The following FAAP20 variants were observed in gnomAD, a reference collection of about 807,000 sequenced individuals.
FAAP20 encodes Fanconi anemia core complex-associated protein 20.
A neutral mutation model predicts 16.2 loss-of-function variants in FAAP20; 12 were observed. The observed-to-expected ratio is 0.74, with a 90% confidence interval of 0.48 to 1.20. The LOEUF (loss-of-function observed/expected upper bound fraction) is 1.20. Ranked by LOEUF, FAAP20 falls within the 50% of genes most tolerant of loss-of-function variation. The probability of loss-of-function intolerance (pLI) is 0.00; values close to 1 mark genes in which losing one functional copy is unlikely to be tolerated. For synonymous variants in FAAP20, 141 were observed against 110.7 expected (o/e 1.27, Z -1.72); for missense variants, 288 against 245.8 (o/e 1.17, Z -1.15).
chr1:2,202,001 A>G (rs1400042434), upstream of FAAP20, among the ~76,000 whole-genome samples: 1 of 150,036 alleles, frequency 6.7e-6, no homozygotes, highest in Non-Finnish European at 1.5e-5. Context: ...TGGGCGACAG[A>G]GCGAGACTCT....
chr1:2,190,037 C>A, intron 3 of FAAP20: 1 of 602,932 alleles, frequency 1.7e-6, no homozygotes, highest in South Asian at 1.7e-5. Context: ...AGCTGTGTCT[C>A]AACAAGCCTC....
chr1:2,193,733 G>A lies in FAAP20; in HGVS notation c.376C>T (p.Pro126Ser), dbSNP rs1058411. 193,270 of 1,590,466 alleles carry A rather than the reference G, an allele frequency of 0.12. 17,054 individuals carry two copies. Among genetic ancestry groups the A allele is most frequent in the African/African-American group, 0.47 (34,325 of 73,212 alleles). The part of the protein sequence containing the change: ...RSLPQRPAPD[P>S]CRAPRVEQQP... ...TGCTCCACCCTGGGGGCCCTGCAGG[G>A]ATCAGGTGCCGGGCGCTGGGGCAGG... Residue 126 changes from proline (P) to serine (S), a missense_variant, in exon 3 of 4, where the codon CCC becomes TCC. Transcript: ENST00000378546.
At chr1:2,184,882 A>G (rs754102251), downstream of FAAP20, 3 of 1,553,152 alleles carry the variant, frequency 1.9e-6, no homozygotes, top group Admixed American at 3.4e-5. Context: ...GGGAATGAAC[A>G]CACGGTCACC....
At chr1:2,211,918 T>TG (rs1689459287), downstream of FAAP20, among the ~76,000 whole-genome samples, 1 of 148,070 alleles carries the variant, frequency 6.8e-6, no homozygotes, top group South Asian at 2.1e-4. Flanking sequence ...TTTTTTTTTT[T>TG]TTGAGACGGA....
downstream of FAAP20, chr1:2,185,362 G>T (rs375608857): frequency 1.4e-6 from 1 of 718,662 alleles, no homozygotes; most frequent in South Asian, 1.5e-5. Flanking sequence ...AGCGTGTAGC[G>T]TCCTGAGGAA....
chr1:2,209,954 C>T (rs78767577), downstream of FAAP20, among the ~76,000 whole-genome samples: 5,540 of 152,304 alleles, frequency 0.036, 146 homozygotes, highest in Non-Finnish European at 0.057. Flanking sequence ...CACTGAAACG[C>T]TCACGGGGCC....
At chr1:2,211,230 T>C (rs1465543049), downstream of FAAP20, among the ~76,000 whole-genome samples, 16 of 138,188 alleles carry the variant, frequency 1.2e-4, no homozygotes, top group East Asian at 4.1e-4. Flanking sequence ...TTCTTTCTTT[T>C]TTTTTTTTTT....
chr1:2,201,445 C>T (rs1175836081), upstream of FAAP20, among the ~76,000 whole-genome samples: 1 of 152,322 alleles, frequency 6.6e-6, no homozygotes, highest in South Asian at 2.1e-4. Context: ...TGAGGCTGGG[C>T]ACGGTGGCTC....
chr1:2,193,964 C>T (rs1023639707), intron 2 of FAAP20, 34 bp downstream of exon 2: 1 of 1,611,948 alleles, frequency 6.2e-7, no homozygotes, highest in Non-Finnish European at 8.5e-7. Context: ...CCCTGGAAAC[C>T]CCTTCATCGC....
chr1:2,202,032 A>G (rs180990542), upstream of FAAP20, among the ~76,000 whole-genome samples: 2,895 of 150,854 alleles, frequency 0.019, 104 homozygotes, highest in African/African-American at 0.067. Flanking sequence ...AAAAAAAAAA[A>G]GAAGAAGAAG....
downstream of FAAP20, among the ~76,000 whole-genome samples, chr1:2,209,364 C>G (rs1689373618): frequency 6.6e-6 from 1 of 152,232 alleles, no homozygotes; most frequent in Admixed American, 6.5e-5. Context: ...ACATGGACCC[C>G]CATCCAACAT....
chr1:2,211,738 C>T (rs549124832), downstream of FAAP20, among the ~76,000 whole-genome samples: 20 of 149,642 alleles, frequency 1.3e-4, no homozygotes, highest in Admixed American at 9.3e-4. Context: ...CATGAGCCAC[C>T]GTGCCCGGCC....
upstream of FAAP20, chr1:2,198,922 G>A (rs1688932673): frequency 1.6e-6 from 2 of 1,289,656 alleles, no homozygotes; most frequent in African/African-American, 1.5e-5. Context: ...CAGGCTGTGA[G>A]AGACAGTTGC....
intron 3 of FAAP20, chr1:2,192,679 T>A: frequency 2.5e-6 from 3 of 1,190,046 alleles, no homozygotes; most frequent in Non-Finnish European, 2.1e-6. Flanking sequence ...AGTGGTGCAA[T>A]CATACTTCAC....
Position 2,189,764 on chromosome 1 carries a change from A to C in FAAP20, c.488T>G (p.Val163Gly). 1 of 1,612,700 alleles carries C rather than the reference A, an allele frequency of 6.2e-7. No individual in the cohort carries two copies. The highest frequency in any genetic ancestry group is 8.5e-7 in the Non-Finnish European group (1 of 1,179,606). The stretch of plus-strand genomic sequence containing the variant: ...CAAGCACTGGGCCAGGTGGCTGTCA[A>C]CATCCAGCTGGGTCAGCCTGCAAGG... Reference protein sequence around the residue: ...EFAPRLTQLDVDSHLAQCLAE... With the variant: ...EFAPRLTQLDGDSHLAQCLAE... Residue 163 changes from valine (V) to glycine (G), a missense_variant, in exon 4 of 4, where the codon GTT becomes GGT. Coordinates refer to ENST00000378546, the MANE Select transcript of FAAP20 (RefSeq NM_182533.4).
At chr1:2,193,420 CA>C (rs1688474867) in intron 3 of FAAP20, 1 of 702,426 alleles carries the variant, frequency 1.4e-6, no homozygotes, top group Non-Finnish European at 2.2e-6. Flanking sequence ...TGTGGGCCCC[CA>C]GCCTGCCCTG....
chr1:2,196,703 G>T (rs1036997522), upstream of FAAP20, among the ~76,000 whole-genome samples: 4 of 152,296 alleles, frequency 2.6e-5, no homozygotes, highest in South Asian at 2.1e-4. The surrounding 1 kb of genome is among the most constrained non-coding windows in gnomAD (Gnocchi z 4.5). Flanking sequence ...AGCCGGGCAT[G>T]GTGGTGCACA....
rs1478169000 is a variant in FAAP20, at chr1:2,193,653, C to T, written c.456G>A (p.Lys152=). 1 of 1,598,446 alleles carries T rather than the reference C, an allele frequency of 6.3e-7. No homozygotes were observed. Among genetic ancestry groups the T allele is most frequent in the Non-Finnish European group, 8.5e-7 (1 of 1,176,144 alleles). ...AALRSCPMCQ[K]EFAPRLTQLD... ...GGCCTACTCACCTGGGGGCGAACTC[C>T]TTCTGGCACATGGGGCAGCTGCGCA... The change falls in exon 3 of 4, where the codon AAG becomes AAA. Residue 152 remains lysine, a synonymous_variant. Coordinates refer to ENST00000378546, the MANE Select transcript of FAAP20 (RefSeq NM_182533.4).
upstream of FAAP20, chr1:2,212,671 G>T (rs1328741655): frequency 3.5e-6 from 1 of 283,002 alleles, no homozygotes; most frequent in Admixed American, 5.0e-5. Flanking sequence ...AACCCAAAAG[G>T]GTGTAAGTTC....
Sources: gnomAD v4.1 joint callset for allele counts (sites outside exome capture counted in the v4.1 genomes callset) on GRCh38, gnomAD v4.1.1 for gene constraint, Gnocchi (gnomAD v3.1) non-coding constraint, MANE v1.5 for transcripts, NCBI Gene and HGNC (gene_info 2026-07-23, HGNC 2026-07-21) for gene names.